Variants in RIN3 observed in about 807,000 individuals in gnomAD.
RIN3 encodes RAB5 interacting protein 3.
A neutral mutation model predicts 76.3 loss-of-function variants in RIN3; 54 were observed. That is an observed-to-expected ratio of 0.71 (90% CI 0.57 to 0.89). RIN3 has a LOEUF of 0.89. RIN3 is among the 40% of genes least tolerant of loss of function. The pLI, the probability that RIN3 is intolerant of heterozygous loss-of-function variation, is 0.00. For missense variants in RIN3, 1,256 were observed against 1,322.1 expected, an observed-to-expected ratio of 0.95 and a Z score of 0.78; for synonymous variants, 576 against 564.0, an observed-to-expected ratio of 1.02 and a Z score of -0.30.
chr14:92,611,688 C>A (rs1299400631), intron 3 of RIN3, among the ~76,000 whole-genome samples: 1 of 152,204 alleles, frequency 6.6e-6, no homozygotes, highest in Non-Finnish European at 1.5e-5. Flanking sequence ...TAGAGATTCA[C>A]ACGTATTCAC....
Position 92,659,111 on chromosome 14 carries a change from AGG to A in RIN3, c.2027-49_2027-48del. ...CTGTTGGGCAACAGAACCAGGTGGC[AGG>A]ATCCCTGCATCTGGTTTCCTCACCC... On this transcript the variant is annotated intron_variant, in intron 6 of 9. Coordinates refer to ENST00000216487, the MANE Select transcript of RIN3 (RefSeq NM_024832.5). 3.2e-6 allele frequency: 5 copies of A among 1,567,098 alleles called. No individual in the cohort carries two copies. The South Asian group carries it at 5.6e-5, about 18-fold the overall frequency.
At chr14:92,524,721 T>A (rs1198886429) in intron 1 of RIN3, among the ~76,000 whole-genome samples, 1 of 152,196 alleles carries the variant, frequency 6.6e-6, no homozygotes, top group African/African-American at 2.4e-5. Context: ...CTGGAAACTC[T>A]TCATCCAGCC....
intron 4 of RIN3, among the ~76,000 whole-genome samples, chr14:92,636,027 C>G (rs1354029008): frequency 6.6e-6 from 1 of 152,190 alleles, no homozygotes; most frequent in African/African-American, 2.4e-5. Context: ...CACTTACAAG[C>G]TGTGGGATGG....
intron 8 of RIN3, among the ~76,000 whole-genome samples, chr14:92,678,544 T>A (rs927624356): frequency 3.1e-5 from 4 of 127,534 alleles, no homozygotes; most frequent in African/African-American, 1.2e-4. Flanking sequence ...ACATATTCAC[T>A]CATGCACCCA....
intron 7 of RIN3, among the ~76,000 whole-genome samples, chr14:92,659,835 G>T (rs1190092379): frequency 6.6e-6 from 1 of 152,236 alleles, no homozygotes; most frequent in Non-Finnish European, 1.5e-5. Context: ...AGGCTGGAAG[G>T]TTCAAGATGA....
At chr14:92,626,826 C>T (rs866654162) in intron 4 of RIN3, among the ~76,000 whole-genome samples, 7 of 152,070 alleles carry the variant, frequency 4.6e-5, no homozygotes, top group African/African-American at 7.3e-5. Flanking sequence ...GGTTTTACTA[C>T]GCCTTCCCCT....
intron 7 of RIN3, among the ~76,000 whole-genome samples, chr14:92,663,890 T>C (rs1392291971): frequency 1.3e-5 from 2 of 152,200 alleles, no homozygotes; most frequent in African/African-American, 2.4e-5. Context: ...GGACAGCACA[T>C]GGGACAGCCT....
At chr14:92,596,765 C>T (rs1885161760) in intron 3 of RIN3, among the ~76,000 whole-genome samples, 1 of 152,216 alleles carries the variant, frequency 6.6e-6, no homozygotes, top group Admixed American at 6.5e-5. Flanking sequence ...TAGATGGCTT[C>T]AGCAAGGACA....
rs576616480 is a variant in RIN3 at position 92,557,261 on chromosome 14, G to A, written c.249+1306G>A. On this transcript the variant is annotated intron_variant, in intron 2 of 9. Coordinates refer to ENST00000216487, the MANE Select transcript of RIN3 (RefSeq NM_024832.5). ...TTGCCACCTTGCCCATTGTATAGAT[G>A]AGGCAACTGCGATGCAAAGGCATTG... is the stretch of plus-strand genomic sequence containing the variant. Among the ~76,000 whole-genome samples, 4 of 152,328 alleles carry A rather than the reference G, an allele frequency of 2.6e-5. No individual in the cohort carries two copies. In the South Asian group the frequency reaches 8.3e-4, roughly 32 times the overall value.
At chr14:92,610,997 G>A (rs918280343) in intron 3 of RIN3, among the ~76,000 whole-genome samples, 1 of 152,222 alleles carries the variant, frequency 6.6e-6, no homozygotes, top group South Asian at 2.1e-4. Context: ...ATGAGGTGGT[G>A]TAGTCGCTTC....
intron 7 of RIN3, among the ~76,000 whole-genome samples, chr14:92,672,134 G>A (rs964277265): frequency 2.6e-5 from 4 of 152,142 alleles, no homozygotes; most frequent in Admixed American, 2.0e-4. Flanking sequence ...CCGGGCGTGC[G>A]GCGGCTTACG....
intron 2 of RIN3, 26 bp downstream of exon 2, chr14:92,555,981 T>C: frequency 6.3e-7 from 1 of 1,596,160 alleles, no homozygotes; most frequent in Non-Finnish European, 8.6e-7. Flanking sequence ...TCCCACTTGG[T>C]AGGCACACAC....
At chr14:92,666,299 A>G (rs1030231799) in intron 7 of RIN3, among the ~76,000 whole-genome samples, 2 of 152,208 alleles carry the variant, frequency 1.3e-5, no homozygotes, top group Admixed American at 6.5e-5. Context: ...AACAGCGAGG[A>G]AAGGGGTAAA....
chr14:92,640,557 CA>C lies in RIN3; in HGVS notation c.441-680del, dbSNP rs1886969184. 5.9e-3 allele frequency among the ~76,000 whole-genome samples: 2 copies of C among 338 alleles called. 1 individual carries two copies. The highest frequency in any genetic ancestry group is 0.1 in the African/African-American group (2 of 20). The allele number at this position is 338 out of a possible 152,430, so 0.2% of individuals were successfully genotyped here. A position where few individuals can be genotyped will look rare whatever the true frequency, so the allele number is the denominator to read the frequency against. On this transcript the variant is annotated intron_variant, in intron 4 of 9. Coordinates refer to ENST00000216487, the MANE Select transcript of RIN3 (RefSeq NM_024832.5). ...GCTGGGAGATGCCTGACTGTGTGTTCATCGGGGGCTGCCTGACTGTGCGTTT... is the reference window on the plus strand; with the variant it reads ...GCTGGGAGATGCCTGACTGTGTGTTCTCGGGGGCTGCCTGACTGTGCGTTT...
At chr14:92,528,922 T>C (rs957576691) in intron 1 of RIN3, among the ~76,000 whole-genome samples, 1 of 152,022 alleles carries the variant, frequency 6.6e-6, no homozygotes, top group African/African-American at 2.4e-5. Context: ...TCCTCCAAAA[T>C]TTGTCCTCTG....
intron 3 of RIN3, among the ~76,000 whole-genome samples, chr14:92,586,277 A>G (rs921034610): frequency 2.6e-5 from 4 of 152,226 alleles, no homozygotes; most frequent in African/African-American, 9.6e-5. Flanking sequence ...ATAATTAGCT[A>G]TGGAGTTTGA....
At chr14:92,528,146 A>G (rs976053127) in intron 1 of RIN3, among the ~76,000 whole-genome samples, 6 of 152,088 alleles carry the variant, frequency 3.9e-5, no homozygotes, top group African/African-American at 1.4e-4. Context: ...CAGGGACAGG[A>G]GGGCTCACTG....
At chr14:92,576,584 A>G (rs571456385) in intron 2 of RIN3, among the ~76,000 whole-genome samples, 12 of 152,132 alleles carry the variant, frequency 7.9e-5, no homozygotes, top group South Asian at 4.1e-4. Flanking sequence ...TAGCTGTGAG[A>G]TCTTGGCCAG....
chr14:92,549,292 G>A (rs565544455), intron 1 of RIN3, among the ~76,000 whole-genome samples: 2 of 152,280 alleles, frequency 1.3e-5, no homozygotes, highest in Admixed American at 6.5e-5. Flanking sequence ...CCCCTGGCGT[G>A]TTCTGGCCAA....
Sources: allele counts gnomAD v4.1 joint callset (sites outside exome capture counted in the v4.1 genomes callset), GRCh38; gene constraint gnomAD v4.1.1; transcripts MANE v1.5; gene names NCBI Gene and HGNC (gene_info 2026-07-23, HGNC 2026-07-21).